PKIB: variants seen among roughly 807,000 people sequenced by gnomAD.
The protein encoded by PKIB is cAMP-dependent protein kinase inhibitor beta, also known as PKI-beta.
In PKIB, 2 loss-of-function variants were observed where a neutral mutation model predicts 4.5. That is an observed-to-expected ratio of 0.44 (90% CI 0.18 to 1.39). The LOEUF is 1.39. PKIB is among the 40% of genes most tolerant of loss of function. The pLI is 0.27. For missense variants in PKIB, 94 were observed against 92.6 expected (o/e 1.02, Z -0.06); for synonymous variants, 38 against 36.0 (o/e 1.06, Z -0.20).
intron 2 of PKIB, among the ~76,000 whole-genome samples, chr6:122,584,332 C>G (rs2114713888): frequency 6.6e-6 from 1 of 151,900 alleles, no homozygotes; most frequent in South Asian, 2.1e-4. Context: ...CATCTACAAA[C>G]CAGAGATTAA....
intron 3 of PKIB, among the ~76,000 whole-genome samples, chr6:122,685,605 AG>A (rs903614165): frequency 2.6e-5 from 4 of 152,182 alleles, no homozygotes; most frequent in African/African-American, 9.6e-5. Flanking sequence ...GGCATGCATC[AG>A]GGTAAATGGG....
chr6:122,505,009 G>C (rs1776354139), intron 2 of PKIB, among the ~76,000 whole-genome samples: 1 of 152,182 alleles, frequency 6.6e-6, no homozygotes, highest in South Asian at 2.1e-4. Context: ...TTGATTTATT[G>C]AGTACAATCA....
intron 2 of PKIB, among the ~76,000 whole-genome samples, chr6:122,635,513 G>T (rs547652396): frequency 1.5e-3 from 212 of 144,012 alleles, no homozygotes; most frequent in African/African-American, 5.2e-3. Flanking sequence ...ACATTTTTCT[G>T]ATTTATTTAA....
intron 2 of PKIB, among the ~76,000 whole-genome samples, chr6:122,493,775 G>A (rs1325890824): frequency 6.6e-6 from 1 of 152,088 alleles, no homozygotes; most frequent in Non-Finnish European, 1.5e-5. Flanking sequence ...GGGTGGTCTA[G>A]CTAGTCCAGT....
At chr6:122,543,953 A>T (rs574654387) in intron 2 of PKIB, among the ~76,000 whole-genome samples, 183 of 152,168 alleles carry the variant, frequency 1.2e-3, no homozygotes, top group Non-Finnish European at 2.3e-3. Context: ...TTTTATATTG[A>T]TAATATATAT....
At chr6:122,639,497 G>A (rs527813723) in intron 2 of PKIB, among the ~76,000 whole-genome samples, 1 of 152,272 alleles carries the variant, frequency 6.6e-6, no homozygotes, top group African/African-American at 2.4e-5. Flanking sequence ...GTGAGCTGTG[G>A]GGATCAGAGC....
chr6:122,575,322 C>A (rs1208511219), intron 2 of PKIB, among the ~76,000 whole-genome samples: 1 of 152,024 alleles, frequency 6.6e-6, no homozygotes, highest in Non-Finnish European at 1.5e-5. Context: ...ATTAGTACAA[C>A]CACGATGGAA....
chr6:122,718,844 A>G (rs902745391), intron 4 of PKIB, among the ~76,000 whole-genome samples: 14 of 152,102 alleles, frequency 9.2e-5, no homozygotes, highest in African/African-American at 3.4e-4. Flanking sequence ...TGAAATAGTT[A>G]TATCCTTGTA....
intron 2 of PKIB, among the ~76,000 whole-genome samples, chr6:122,489,995 CAT>C (rs2114535539): frequency 6.6e-6 from 1 of 152,274 alleles, no homozygotes; most frequent in South Asian, 2.1e-4. Context: ...AAAAAAATGT[CAT>C]GTGCTTTTGA....
intron 2 of PKIB, among the ~76,000 whole-genome samples, chr6:122,556,319 C>T (rs1336972472): frequency 6.6e-6 from 1 of 152,168 alleles, no homozygotes; most frequent in East Asian, 1.9e-4. Context: ...ATGAATTAGC[C>T]AGTCTTTGGT....
intron 2 of PKIB, among the ~76,000 whole-genome samples, chr6:122,515,088 T>G (rs1022237069): frequency 3.9e-5 from 6 of 152,208 alleles, no homozygotes; most frequent in Non-Finnish European, 8.8e-5. Context: ...AAATTCATAT[T>G]TTTTGGGGGA....
chr6:122,505,005 T>C (rs747151925), intron 2 of PKIB, among the ~76,000 whole-genome samples: 3 of 152,224 alleles, frequency 2.0e-5, no homozygotes, highest in Non-Finnish European at 1.5e-5. Context: ...CTACTTGATT[T>C]ATTGAGTACA....
chr6:122,571,392 G>T (rs1255549429), intron 2 of PKIB, among the ~76,000 whole-genome samples: 1 of 152,130 alleles, frequency 6.6e-6, no homozygotes, highest in Non-Finnish European at 1.5e-5. Context: ...AATACAAGAA[G>T]CTTAGATTCC....
At chr6:122,638,967 C>G (rs1422998542) in intron 2 of PKIB, among the ~76,000 whole-genome samples, 2 of 151,924 alleles carry the variant, frequency 1.3e-5, no homozygotes, top group African/African-American at 4.8e-5. Context: ...AAACATGTAT[C>G]TTTATTTGTT....
intron 1 of PKIB, among the ~76,000 whole-genome samples, chr6:122,630,982 A>AT (rs551352604): frequency 1.3e-3 from 201 of 152,234 alleles, no homozygotes; most frequent in African/African-American, 3.9e-3. Flanking sequence ...GATTAGCAGC[A>AT]TTTTTTGTCG....
intron 2 of PKIB, among the ~76,000 whole-genome samples, chr6:122,491,995 G>GT (rs551973204): frequency 1.7e-3 from 252 of 152,298 alleles, no homozygotes; most frequent in African/African-American, 5.8e-3. Context: ...TAAAAGCTAA[G>GT]ACTCACCAAC....
At chr6:122,626,101 T>TAG (rs1379736450) in intron 1 of PKIB, among the ~76,000 whole-genome samples, 76 of 143,540 alleles carry the variant, frequency 5.3e-4, no homozygotes, top group African/African-American at 1.4e-3. Context: ...TAGATAGAGA[T>TAG]AGATTAGAAG....
intron 2 of PKIB, among the ~76,000 whole-genome samples, chr6:122,576,709 TA>T (rs1408517358): frequency 2.2e-4 from 23 of 106,420 alleles, no homozygotes; most frequent in African/African-American, 8.2e-4. Flanking sequence ...TATATATATA[TA>T]TTTTCTTTTG....
chr6:122,486,829 G>C (rs528864165), intron 2 of PKIB, among the ~76,000 whole-genome samples: 1 of 152,188 alleles, frequency 6.6e-6, no homozygotes, highest in South Asian at 2.1e-4. Context: ...AAACATCTTA[G>C]TTGAAATAAC....
Sources: allele counts gnomAD v4.1 joint callset (sites outside exome capture counted in the v4.1 genomes callset), GRCh38; gene constraint gnomAD v4.1.1; transcripts MANE v1.5; gene names NCBI Gene and HGNC (gene_info 2026-07-23, HGNC 2026-07-21).